Variants in PDGFC observed in about 807,000 individuals in gnomAD.
The protein encoded by PDGFC is platelet-derived growth factor C.
In PDGFC, 12 loss-of-function variants were observed where a neutral mutation model predicts 35.5. That is an observed-to-expected ratio of 0.34 (90% CI 0.22 to 0.55). The LOEUF (loss-of-function observed/expected upper bound fraction) is 0.55, where lower values mean the gene tolerates loss of function less well. PDGFC is among the 20% of genes least tolerant of loss of function. The pLI is 0.91. For synonymous variants in PDGFC, 159 were observed against 148.8 expected (o/e 1.07, Z -0.50); for missense variants, 322 against 412.4 (o/e 0.78, Z 1.90).
At chr4:156,954,702 A>ATG (rs1732165642) in intron 1 of PDGFC, among the ~76,000 whole-genome samples, 1 of 151,936 alleles carries the variant, frequency 6.6e-6, no homozygotes, top group South Asian at 2.1e-4. Context: ...TTCTTTGTGC[A>ATG]TTCATTTTAC....
intron 1 of PDGFC, among the ~76,000 whole-genome samples, chr4:156,868,268 A>G (rs527990502): frequency 2.0e-5 from 3 of 152,360 alleles, no homozygotes; most frequent in Admixed American, 1.3e-4. Flanking sequence ...AAAGGCGAGC[A>G]TTTTGAAACT....
intron 2 of PDGFC, among the ~76,000 whole-genome samples, chr4:156,832,065 T>C (rs941990265): frequency 3.9e-5 from 6 of 152,062 alleles, no homozygotes; most frequent in Non-Finnish European, 7.4e-5. Context: ...TCTCTTAATA[T>C]GGAAATGCCA....
At chr4:156,898,124 A>C (rs1463123022) in intron 1 of PDGFC, among the ~76,000 whole-genome samples, 1 of 152,170 alleles carries the variant, frequency 6.6e-6, no homozygotes, top group Non-Finnish European at 1.5e-5. Context: ...TGGAGGCCTC[A>C]TGAAGGCAAT....
intron 1 of PDGFC, among the ~76,000 whole-genome samples, chr4:156,871,940 C>T (rs1490516871): frequency 1.3e-5 from 2 of 151,828 alleles, no homozygotes; most frequent in Non-Finnish European, 2.9e-5. Context: ...AAGGCTATTT[C>T]TCAAATAGTT....
At chr4:156,780,506 A>T in intron 3 of PDGFC, among the ~76,000 whole-genome samples, 1 of 152,186 alleles carries the variant, frequency 6.6e-6, no homozygotes, top group East Asian at 1.9e-4. Flanking sequence ...TGTTTTGTGG[A>T]AATCTAGCTC....
intron 3 of PDGFC, among the ~76,000 whole-genome samples, chr4:156,801,898 C>G (rs1394584101): frequency 1.3e-5 from 2 of 152,170 alleles, no homozygotes; most frequent in African/African-American, 4.8e-5. Flanking sequence ...CCTTTTGTTC[C>G]TAAGTAGACA....
intron 2 of PDGFC, 91 bp downstream of exon 2, chr4:156,850,130 A>T (rs1462522076): frequency 1.6e-6 from 1 of 617,452 alleles, no homozygotes; most frequent in African/African-American, 1.9e-5. Flanking sequence ...AAAACAAAAG[A>T]TGTCATTTAA....
At chr4:156,838,858 C>T (rs1418292090) in intron 2 of PDGFC, among the ~76,000 whole-genome samples, 1 of 152,088 alleles carries the variant, frequency 6.6e-6, no homozygotes, top group African/African-American at 2.4e-5. Flanking sequence ...TCAGACCCAA[C>T]ACCAGGCCAT....
At chr4:156,956,362 T>C (rs1732209986) in intron 1 of PDGFC, among the ~76,000 whole-genome samples, 1 of 152,064 alleles carries the variant, frequency 6.6e-6, no homozygotes, top group South Asian at 2.1e-4. Flanking sequence ...TGTGAGGTGG[T>C]TAAAATGCAA....
intron 1 of PDGFC, among the ~76,000 whole-genome samples, chr4:156,872,719 A>C (rs747845578): frequency 6.6e-6 from 1 of 152,214 alleles, no homozygotes; most frequent in Non-Finnish European, 1.5e-5. Context: ...AAATGACTTG[A>C]CCTTTGATAA....
At chr4:156,876,451 ATTAC>A (rs944783917) in intron 1 of PDGFC, 51 of 152,334 alleles carry the variant, frequency 3.3e-4, no homozygotes, top group African/African-American at 1.2e-3. Flanking sequence ...TAAACTTCAA[ATTAC>A]TTAATCTTCC....
chr4:156,896,930 G>A (rs898799431), intron 1 of PDGFC, among the ~76,000 whole-genome samples: 1 of 152,182 alleles, frequency 6.6e-6, no homozygotes, highest in Admixed American at 6.5e-5. Flanking sequence ...TCCAAAAAGA[G>A]ACTAACAATG....
At chr4:156,820,366 G>A (rs1440675200) in intron 2 of PDGFC, among the ~76,000 whole-genome samples, 3 of 152,164 alleles carry the variant, frequency 2.0e-5, no homozygotes, top group Non-Finnish European at 4.4e-5. Context: ...GTTCATTGTT[G>A]TCTTATTTTA....
intron 1 of PDGFC, among the ~76,000 whole-genome samples, chr4:156,911,613 T>C (rs1412576767): frequency 6.6e-6 from 1 of 152,138 alleles, no homozygotes; most frequent in Non-Finnish European, 1.5e-5. Context: ...CTAAGTGTTA[T>C]ATTATTATTC....
intron 2 of PDGFC, among the ~76,000 whole-genome samples, chr4:156,840,535 G>A (rs1374184111): frequency 1.3e-5 from 2 of 152,242 alleles, no homozygotes; most frequent in Non-Finnish European, 2.9e-5. Flanking sequence ...GGGCAATGCA[G>A]AAGGGAAATG....
chr4:156,936,574 T>C (rs1282934497), intron 1 of PDGFC, among the ~76,000 whole-genome samples: 2 of 152,160 alleles, frequency 1.3e-5, no homozygotes, highest in Non-Finnish European at 2.9e-5. Context: ...GAGTGTAGGA[T>C]AGAAGAAACA....
At chr4:156,889,761 T>C (rs1730459745) in intron 1 of PDGFC, among the ~76,000 whole-genome samples, 1 of 152,192 alleles carries the variant, frequency 6.6e-6, no homozygotes, top group Non-Finnish European at 1.5e-5. Context: ...TTTCTAATCT[T>C]GTCGGTTGCC....
At chr4:156,883,146 G>C (rs1730287810) in intron 1 of PDGFC, among the ~76,000 whole-genome samples, 1 of 150,614 alleles carries the variant, frequency 6.6e-6, no homozygotes, top group Admixed American at 6.6e-5. Context: ...CCCTGCCCTA[G>C]CTGTAGTACC....
intron 1 of PDGFC, among the ~76,000 whole-genome samples, chr4:156,857,443 A>G (rs1729609657): frequency 6.6e-6 from 1 of 152,052 alleles, no homozygotes; most frequent in African/African-American, 2.4e-5. Flanking sequence ...CTTTGTAGAA[A>G]TTTTACCATT....
Sources: allele counts gnomAD v4.1 joint callset (sites outside exome capture counted in the v4.1 genomes callset), GRCh38; gene constraint gnomAD v4.1.1; transcripts MANE v1.5; gene names NCBI Gene and HGNC (gene_info 2026-07-23, HGNC 2026-07-21).